Variants in MKLN1 observed in about 807,000 individuals in gnomAD.
MKLN1 encodes muskelin.
Under a neutral mutation model 99.0 loss-of-function variants are expected in MKLN1, and 18 were observed. The observed-to-expected ratio is 0.18, with a 90% CI of 0.13 to 0.27. The LOEUF (loss-of-function observed/expected upper bound fraction) is 0.27, where lower values mean the gene tolerates loss of function less well. MKLN1 is among the 10% of genes least tolerant of loss of function. The pLI, the probability that MKLN1 is intolerant of heterozygous loss-of-function variation, is 1.00. For synonymous variants in MKLN1, 288 were observed against 293.2 expected (o/e 0.98, Z 0.18); for missense variants, 621 against 875.9 (o/e 0.71, Z 3.67).
intron 1 of MKLN1, among the ~76,000 whole-genome samples, chr7:131,348,156 CTGTGCTACAGCTATCTATAT>C (rs1799617177): frequency 6.6e-6 from 1 of 152,146 alleles, no homozygotes; most frequent in Non-Finnish European, 1.5e-5. Flanking sequence ...AAGTTGTATT[CTGTGCTACAGCTATCTATAT>C]TGTGATTTGC....
At chr7:131,326,200 T>G (rs1395452115), upstream of MKLN1, among the ~76,000 whole-genome samples, 1 of 152,178 alleles carries the variant, frequency 6.6e-6, no homozygotes, top group East Asian at 1.9e-4. Context: ...CTATATCATC[T>G]CTGGGGCTAA....
At chr7:131,256,992 C>T (rs959390244) in intron 3 of MKLN1, among the ~76,000 whole-genome samples, 1 of 152,086 alleles carries the variant, frequency 6.6e-6, no homozygotes, top group African/African-American at 2.4e-5. Flanking sequence ...GTTAGTATAA[C>T]CTTTATATAA....
At chr7:131,369,295 T>C (rs1800275049) in intron 1 of MKLN1, among the ~76,000 whole-genome samples, 1 of 152,186 alleles carries the variant, frequency 6.6e-6, no homozygotes, top group Non-Finnish European at 1.5e-5. Flanking sequence ...ATTTTAGATT[T>C]TAATAAATTT....
exon 2 of MKLN1, chr7:131,142,883 C>T (rs372679670): frequency 3.1e-6 from 4 of 1,303,018 alleles, no homozygotes; most frequent in Non-Finnish European, 4.1e-6. Flanking sequence ...CCTCCTGACT[C>T]CATAAACTAT....
At chr7:131,409,448 C>G (rs559712914) in intron 6 of MKLN1, among the ~76,000 whole-genome samples, 1 of 152,266 alleles carries the variant, frequency 6.6e-6, no homozygotes, top group Non-Finnish European at 1.5e-5. Context: ...GCAGTATTTA[C>G]TGACTTTTTG....
intron 2 of MKLN1, among the ~76,000 whole-genome samples, chr7:131,144,659 TTTTG>T (rs919937219): frequency 5.9e-5 from 9 of 151,470 alleles, no homozygotes; most frequent in African/African-American, 2.2e-4. Context: ...GGCCCTTGTG[TTTTG>T]TTTGTTTTTT....
At chr7:131,322,386 ACTAC>A (rs1798795396) in intron 3 of MKLN1, among the ~76,000 whole-genome samples, 1 of 152,166 alleles carries the variant, frequency 6.6e-6, no homozygotes, top group African/African-American at 2.4e-5. Context: ...GCTATAAAGA[ACTAC>A]CTGAGACCGG....
intron 3 of MKLN1, among the ~76,000 whole-genome samples, chr7:131,308,984 G>A (rs571402726): frequency 6.6e-6 from 1 of 152,350 alleles, no homozygotes; most frequent in Non-Finnish European, 1.5e-5. Context: ...TGGGTCACTA[G>A]AGCTGGTGTG....
At chr7:131,124,944 A>G (rs1165480518) in intron 1 of MKLN1, among the ~76,000 whole-genome samples, 1 of 152,184 alleles carries the variant, frequency 6.6e-6, no homozygotes, top group African/African-American at 2.4e-5. Context: ...TATGTGATTA[A>G]GAGACACAAG....
chr7:131,288,560 C>T (rs1798166929), intron 3 of MKLN1, among the ~76,000 whole-genome samples: 1 of 151,494 alleles, frequency 6.6e-6, no homozygotes, highest in South Asian at 2.1e-4. Context: ...CTCAGGTTAC[C>T]TCAGTCTAAG....
At chr7:131,323,295 A>C (rs906615714), upstream of MKLN1, 7 of 152,216 alleles carry the variant, frequency 4.6e-5, no homozygotes, top group Non-Finnish European at 1.0e-4. Context: ...AAGGAAAAGG[A>C]GGGTCTGGAG....
At chr7:131,379,274 A>G (rs573256877) in intron 2 of MKLN1, among the ~76,000 whole-genome samples, 2 of 152,332 alleles carry the variant, frequency 1.3e-5, no homozygotes, top group Admixed American at 1.3e-4. Context: ...GTACACACTC[A>G]AAGATAACTA....
intron 3 of MKLN1, among the ~76,000 whole-genome samples, chr7:131,251,090 C>T (rs1264354110): frequency 2.4e-5 from 3 of 123,166 alleles, no homozygotes; most frequent in African/African-American, 6.5e-5. Flanking sequence ...CAATGGGGCC[C>T]AGATGTGTGT....
rs180765135 is a variant in MKLN1 at position 131,164,053 on chromosome 7, G to A, written c.-297+21112G>A. Among the ~76,000 whole-genome samples, 17 of 152,218 alleles carry A rather than the reference G, an allele frequency of 1.1e-4. No individual in the cohort carries two copies. In the East Asian group the frequency reaches 2.1e-3, roughly 19 times the overall value. On this transcript the variant is annotated intron_variant, in intron 2 of 7. Coordinates refer to the MKLN1 transcript ENST00000416992. ...ATGTTTAAACCCTCTCATATTATTA[G>A]GGGCTAAAAATGTTGCTAAGAGCTT...
At chr7:131,155,642 G>GA (rs954549209) in intron 2 of MKLN1, among the ~76,000 whole-genome samples, 1 of 150,576 alleles carries the variant, frequency 6.6e-6, no homozygotes, top group Non-Finnish European at 1.5e-5. Flanking sequence ...GATTATGAAA[G>GA]AAAAAAAAAG....
chr7:131,229,706 C>T (rs1051165098), intron 3 of MKLN1, among the ~76,000 whole-genome samples: 1 of 152,138 alleles, frequency 6.6e-6, no homozygotes, highest in Non-Finnish European at 1.5e-5. Context: ...CAAGCCCACG[C>T]CTCCACAGGC....
At chr7:131,147,059 T>C (rs1795824422) in intron 2 of MKLN1, among the ~76,000 whole-genome samples, 1 of 152,070 alleles carries the variant, frequency 6.6e-6, no homozygotes, top group African/African-American at 2.4e-5. Flanking sequence ...TTTACTTTTA[T>C]TATTATTAAT....
intron 3 of MKLN1, among the ~76,000 whole-genome samples, chr7:131,291,111 T>TTATA (rs1281807218): frequency 7.2e-6 from 1 of 139,806 alleles, no homozygotes; most frequent in Non-Finnish European, 1.6e-5. Flanking sequence ...TTTTATTTAT[T>TTATA]TATTTATTTA....
At chr7:131,272,735 ATG>A (rs1797905403) in intron 3 of MKLN1, among the ~76,000 whole-genome samples, 1 of 152,206 alleles carries the variant, frequency 6.6e-6, no homozygotes, top group South Asian at 2.1e-4. Flanking sequence ...CAAGAGAAAA[ATG>A]AGGAAGAAGC....
Sources: gnomAD v4.1 joint callset for allele counts (sites outside exome capture counted in the v4.1 genomes callset) on GRCh38, gnomAD v4.1.1 for gene constraint, MANE v1.5 for transcripts, NCBI Gene and HGNC (gene_info 2026-07-23, HGNC 2026-07-21) for gene names.